The following RBMS3 variants were observed in gnomAD, a reference collection of about 807,000 sequenced individuals.
RBMS3 encodes the protein RNA-binding motif, single-stranded-interacting protein 3.
A neutral mutation model predicts 66.8 loss-of-function variants in RBMS3; 27 were observed. The observed-to-expected ratio is 0.40, with a 90% CI of 0.30 to 0.56. The LOEUF is 0.56. Among genes scored for constraint, RBMS3 ranks in the 20% least tolerant of loss-of-function variants. RBMS3 has a pLI of 0.40. For synonymous variants in RBMS3, 188 were observed against 183.0 expected (o/e 1.03, Z -0.22); for missense variants, 513 against 549.5 (o/e 0.93, Z 0.66).
chr3:29,430,608 A>G (rs936795820), intron 1 of RBMS3, among the ~76,000 whole-genome samples: 1 of 152,196 alleles, frequency 6.6e-6, no homozygotes, highest in Non-Finnish European at 1.5e-5. Flanking sequence ...GGTTATGGAA[A>G]TGCTTACAAA....
chr3:29,527,555 C>G (rs147681410), intron 3 of RBMS3, among the ~76,000 whole-genome samples: 30 of 152,294 alleles, frequency 2.0e-4, no homozygotes, highest in African/African-American at 7.0e-4. Context: ...TTTTCATGTT[C>G]TGCATAAATC....
intron 5 of RBMS3, among the ~76,000 whole-genome samples, chr3:29,751,081 A>G (rs773202093): frequency 5.8e-4 from 89 of 152,152 alleles, no homozygotes; most frequent in Non-Finnish European, 1.1e-3. Context: ...TTTGATAGGG[A>G]AGAGATTTAA....
At chr3:29,949,348 A>G (rs1577227405) in intron 12 of RBMS3, among the ~76,000 whole-genome samples, 1 of 151,700 alleles carries the variant, frequency 6.6e-6, no homozygotes, top group Admixed American at 6.6e-5. Flanking sequence ...TAACTATTCA[A>G]CTCTGCCACT....
chr3:29,293,073 T>G (rs2032952692), intron 1 of RBMS3, among the ~76,000 whole-genome samples: 1 of 151,876 alleles, frequency 6.6e-6, no homozygotes, highest in Non-Finnish European at 1.5e-5. Context: ...TTGCTTTTGT[T>G]GTTTTGACTT....
At chr3:29,963,890 G>A (rs753184142) in intron 12 of RBMS3, among the ~76,000 whole-genome samples, 1 of 147,942 alleles carries the variant, frequency 6.8e-6, no homozygotes, top group Non-Finnish European at 1.5e-5. Flanking sequence ...TGGATGTAAA[G>A]AATGAAGGAG....
At chr3:29,818,066 A>G (rs1283266053) in intron 6 of RBMS3, among the ~76,000 whole-genome samples, 2 of 152,184 alleles carry the variant, frequency 1.3e-5, no homozygotes, top group Non-Finnish European at 2.9e-5. Flanking sequence ...ATACAAAGAT[A>G]TATAAATGAA....
At chr3:29,347,061 A>G (rs543145728) in intron 1 of RBMS3, among the ~76,000 whole-genome samples, 123 of 152,324 alleles carry the variant, frequency 8.1e-4, no homozygotes, top group African/African-American at 2.8e-3. Context: ...GGCTACATGA[A>G]CAAGGAGTTT....
At chr3:29,817,070 G>A (rs143879571) in intron 6 of RBMS3, among the ~76,000 whole-genome samples, 6,790 of 152,100 alleles carry the variant, frequency 0.045, 237 homozygotes, top group Admixed American at 0.085. Context: ...CAGCCTGGAT[G>A]ACAGAAGGAG....
intron 10 of RBMS3, among the ~76,000 whole-genome samples, chr3:29,915,715 A>G (rs563994228): frequency 4.6e-5 from 7 of 152,108 alleles, no homozygotes; most frequent in African/African-American, 1.7e-4. Flanking sequence ...TACCTGTGAT[A>G]CAAAAGGATT....
At chr3:29,549,059 GTT>G (rs5847579) in intron 3 of RBMS3, among the ~76,000 whole-genome samples, 374 of 85,336 alleles carry the variant, frequency 4.4e-3, no homozygotes, top group African/African-American at 0.014. Context: ...TCCTACTTCT[GTT>G]TTTTTTTTTT....
intron 1 of RBMS3, among the ~76,000 whole-genome samples, chr3:29,374,759 T>G (rs1298305337): frequency 6.6e-6 from 1 of 152,230 alleles, no homozygotes; most frequent in Non-Finnish European, 1.5e-5. Flanking sequence ...AGCAACTGTA[T>G]TTGAATAAAT....
intron 4 of RBMS3, among the ~76,000 whole-genome samples, chr3:29,619,398 A>T (rs1221506522): frequency 1.3e-5 from 2 of 152,204 alleles, no homozygotes; most frequent in African/African-American, 4.8e-5. Context: ...AAATTGCAAA[A>T]ATCACAATGA....
At chr3:29,855,136 G>A (rs185936334) in intron 6 of RBMS3, among the ~76,000 whole-genome samples, 4 of 152,180 alleles carry the variant, frequency 2.6e-5, no homozygotes, top group Non-Finnish European at 4.4e-5. Flanking sequence ...TTTACTACAT[G>A]CTACTCTATG....
At chr3:29,416,507 C>G (rs1339041832) in intron 1 of RBMS3, among the ~76,000 whole-genome samples, 1 of 151,382 alleles carries the variant, frequency 6.6e-6, no homozygotes, top group Non-Finnish European at 1.5e-5. Flanking sequence ...ACAACTGGTC[C>G]TTGTCTCTTT....
chr3:29,959,848 G>A lies in RBMS3; in HGVS notation c.1098+15594G>A, dbSNP rs139877606. On this transcript the variant is annotated intron_variant, in intron 12 of 14. Coordinates refer to ENST00000383767, the MANE Select transcript of RBMS3 (RefSeq NM_001003793.3). Reference sequence around the variant, plus strand: ...AACTCACTATCACAAGAACAGCATAGAGGAACTGCCCCATGATTCAATTGT... The same window carrying A: ...AACTCACTATCACAAGAACAGCATAAAGGAACTGCCCCATGATTCAATTGT... 4.6e-3 allele frequency among the ~76,000 whole-genome samples: 706 copies of A among 152,188 alleles called. 5 individuals carry two copies. Among genetic ancestry groups the A allele is most frequent in the African/African-American group, 0.016 (657 of 41,544 alleles).
chr3:29,653,490 G>A (rs2050212506), intron 4 of RBMS3, among the ~76,000 whole-genome samples: 1 of 152,088 alleles, frequency 6.6e-6, no homozygotes, highest in Non-Finnish European at 1.5e-5. Flanking sequence ...ACTGCCTAAG[G>A]CTAGACACGC....
chr3:29,727,311 G>T (rs2053926937), intron 4 of RBMS3, among the ~76,000 whole-genome samples: 1 of 152,130 alleles, frequency 6.6e-6, no homozygotes, highest in Admixed American at 6.5e-5. Context: ...CATGGGCAAA[G>T]ACTTCATGAC....
At chr3:29,485,415 A>G (rs187088596) in intron 2 of RBMS3, among the ~76,000 whole-genome samples, 36 of 152,288 alleles carry the variant, frequency 2.4e-4, no homozygotes, top group Non-Finnish European at 3.8e-4. Context: ...TATAAGAAAT[A>G]TCATTAGAGA....
chr3:29,424,089 T>C (rs2040851500), intron 1 of RBMS3, among the ~76,000 whole-genome samples: 1 of 152,256 alleles, frequency 6.6e-6, no homozygotes, highest in Admixed American at 6.5e-5. Flanking sequence ...CCATTGCTAT[T>C]CTTATTTTAT....
Sources: gnomAD v4.1 joint callset for allele counts (sites outside exome capture counted in the v4.1 genomes callset) on GRCh38, gnomAD v4.1.1 for gene constraint, MANE v1.5 for transcripts, NCBI Gene and HGNC (gene_info 2026-07-23, HGNC 2026-07-21) for gene names.